NRCAM: variants seen among roughly 807,000 people sequenced by gnomAD.
NRCAM encodes NgCAM-related cell adhesion molecule.
NRCAM carries 83 observed loss-of-function variants against 156.5 expected under a neutral mutation model. The observed-to-expected ratio is 0.53, with a 90% CI of 0.44 to 0.64. NRCAM has a LOEUF of 0.64. Ranked by LOEUF, NRCAM falls within the 30% of genes least tolerant of loss-of-function variation. The pLI is 0.00. For synonymous variants in NRCAM, 538 were observed against 563.9 expected (o/e 0.95, Z 0.65); for missense variants, 1,417 against 1,597.3 (o/e 0.89, Z 1.92).
At chr7:108,175,265 A>C in intron 28 of NRCAM, 57 bp downstream of exon 28, 1 of 1,424,382 alleles carries the variant, frequency 7.0e-7, no homozygotes, top group Non-Finnish European at 9.6e-7. Flanking sequence ...GCACTTCCCC[A>C]TGTTTCACAT....
chr7:108,407,130 T>C (rs1444588998), intron 1 of NRCAM, among the ~76,000 whole-genome samples: 1 of 152,348 alleles, frequency 6.6e-6, no homozygotes, highest in East Asian at 1.9e-4. Flanking sequence ...TTCTTGTGTG[T>C]CTGTATTCAC....
chr7:108,411,657 G>A (rs1795475077), intron 1 of NRCAM, among the ~76,000 whole-genome samples: 1 of 152,140 alleles, frequency 6.6e-6, no homozygotes, highest in African/African-American at 2.4e-5. Context: ...AGCCTCTTGA[G>A]TAGCTGGGAT....
chr7:108,348,992 G>C (rs564017681), intron 2 of NRCAM, among the ~76,000 whole-genome samples: 11 of 151,908 alleles, frequency 7.2e-5, no homozygotes, highest in African/African-American at 2.7e-4. Flanking sequence ...GTATTGGCAA[G>C]ACAGGATTTA....
In NRCAM at chr7:108,226,340, C is replaced by G. The variant is rs891028133; in HGVS notation, c.589G>C (p.Gly197Arg). ...GAAAAATAAAGGTCCCCATTCAAAC[C>G]TTGAGAAACTCTCTCACTTTGTGGA... ...RLPQSERVSQ[G>R]LNGDLYFSNV... Residue 197 changes from glycine (G) to arginine (R), a missense_variant, in exon 9 of 33, where the codon GGT becomes CGT. Gly to Arg is a moderately radical substitution (Grantham distance 125). This residue lies in a region of NRCAM where 1,238 missense variants were observed against 1,336.4 expected (regional missense o/e 0.93). Transcript: ENST00000379028. 6.2e-7 allele frequency: 1 copy of G among 1,612,724 alleles called. No homozygotes were observed. The highest frequency in any genetic ancestry group is 1.3e-5 in the African/African-American group (1 of 74,850).
At chr7:108,455,533 C>G (rs1856078032) in intron 1 of NRCAM, among the ~76,000 whole-genome samples, 1 of 152,170 alleles carries the variant, frequency 6.6e-6, no homozygotes, top group Non-Finnish European at 1.5e-5. Context: ...CTCCCGGGAC[C>G]CGCACCTGTA....
At position 108,237,937 on chromosome 7, in the gene NRCAM, G is replaced by A. The variant is rs982341892; in HGVS notation, c.107-168C>T. ...GGTTGAATTTGTGAAGTTGCAAGAC[G>A]AAGAAATTTGCATTAACGGTTTCCT... On this transcript the variant is annotated intron_variant, in intron 4 of 32. Transcript: ENST00000379028. 4.6e-5 allele frequency among the ~76,000 whole-genome samples: 7 copies of A among 152,324 alleles called. 1 individual carries two copies. The South Asian group carries it at 6.2e-4, about 14-fold the overall frequency.
At chr7:108,433,706 T>C (rs558660809) in intron 1 of NRCAM, among the ~76,000 whole-genome samples, 57 of 152,292 alleles carry the variant, frequency 3.7e-4, no homozygotes, top group African/African-American at 1.3e-3. Context: ...GGGAGCTCCC[T>C]GTTGCCTCCC....
chr7:108,191,858 G>A lies in NRCAM; in HGVS notation c.1779-5C>T. The A allele has an allele frequency of 6.2e-7, 1 of 1,612,682 alleles. No individual in the cohort carries two copies. The highest frequency in any genetic ancestry group is 8.5e-7 in the Non-Finnish European group (1 of 1,179,664). Reference sequence around the variant, plus strand: ...TGATCCTTGTCAACAGTGAACCTGTGGATAGAATGCATTCAGAGCAGCTGA... The same window carrying A: ...TGATCCTTGTCAACAGTGAACCTGTAGATAGAATGCATTCAGAGCAGCTGA... On this transcript the variant is annotated splice_region_variant and splice_polypyrimidine_tract_variant and intron_variant, in intron 17 of 32. Coordinates refer to ENST00000379028, the MANE Select transcript of NRCAM (RefSeq NM_001037132.4).
chr7:108,157,654 T>A (rs2046351470), intron 32 of NRCAM, among the ~76,000 whole-genome samples: 2 of 152,138 alleles, frequency 1.3e-5, no homozygotes, highest in African/African-American at 4.8e-5. Flanking sequence ...CAGTATACCA[T>A]CACCCAAATA....
chr7:108,285,199 C>T (rs2098042311), intron 3 of NRCAM, among the ~76,000 whole-genome samples: 1 of 152,094 alleles, frequency 6.6e-6, no homozygotes, highest in Non-Finnish European at 1.5e-5. Flanking sequence ...CAGATTGTGT[C>T]ATGTCTTCCA....
intron 11 of NRCAM, among the ~76,000 whole-genome samples, chr7:108,223,248 T>A (rs2092779765): frequency 6.6e-6 from 1 of 152,168 alleles, no homozygotes. Flanking sequence ...TGAGCATGCT[T>A]AACTGAAATT....
intron 12 of NRCAM, among the ~76,000 whole-genome samples, chr7:108,208,214 G>C: frequency 6.6e-6 from 1 of 151,988 alleles, no homozygotes; most frequent in East Asian, 1.9e-4. Flanking sequence ...GCTGAGGCAG[G>C]AGAATTGCTT....
chr7:108,271,866 C>T (rs2097365263), intron 3 of NRCAM, among the ~76,000 whole-genome samples: 1 of 152,154 alleles, frequency 6.6e-6, no homozygotes, highest in African/African-American at 2.4e-5. Flanking sequence ...ATGCTGAAAA[C>T]TGTTGGGCTG....
chr7:108,441,227 G>A (rs1406863550), intron 1 of NRCAM, among the ~76,000 whole-genome samples: 4 of 152,092 alleles, frequency 2.6e-5, no homozygotes, highest in Non-Finnish European at 5.9e-5. Context: ...ATATGCAAAA[G>A]TTATCTTACT....
chr7:108,278,235 T>A (rs1342495183), intron 3 of NRCAM, among the ~76,000 whole-genome samples: 5 of 152,230 alleles, frequency 3.3e-5, no homozygotes, highest in Non-Finnish European at 1.5e-5. Context: ...TTATCGGATC[T>A]CAAATGCAGT....
At chr7:108,456,659 T>C (rs1261301478), upstream of NRCAM, 1 of 152,120 alleles carries the variant, frequency 6.6e-6, no homozygotes, top group Non-Finnish European at 1.5e-5. Flanking sequence ...AGGGACTGGG[T>C]GGCCCCTCAC....
chr7:108,204,774 A>G (rs1203244015), intron 13 of NRCAM, among the ~76,000 whole-genome samples: 1 of 152,088 alleles, frequency 6.6e-6, no homozygotes, highest in Non-Finnish European at 1.5e-5. Flanking sequence ...GGGGGCCTTA[A>G]AGAAGACTTT....
In NRCAM at chr7:108,335,434, C is replaced by CTTTTTTTTTTTTTTTTTTTTTTTTT. The variant is rs58975301; in HGVS notation, c.-173-22728_-173-22704dup. Among the ~76,000 whole-genome samples, 11 of 69,878 alleles carry CTTTTTTTTTTTTTTTTTTTTTTTTT rather than the reference C, an allele frequency of 1.6e-4. 2 individuals are homozygous for CTTTTTTTTTTTTTTTTTTTTTTTTT. Among genetic ancestry groups the CTTTTTTTTTTTTTTTTTTTTTTTTT allele is most frequent in the South Asian group, 8.2e-4 (1 of 1,220 alleles). 45.8% of individuals were successfully genotyped at this position (69,878 alleles called of 152,430 possible). A position where few individuals can be genotyped will look rare whatever the true frequency, so the allele number is the denominator to read the frequency against. ...ATGTCCTGTGGATCTGTTCCACCTG[C>CTTTTTTTTTTTTTTTTTTTTTTTTT]TTTTTTTTTTTTTTTTTTTTTTTTT... On this transcript the variant is annotated intron_variant, in intron 2 of 32. Coordinates refer to ENST00000379028, the MANE Select transcript of NRCAM (RefSeq NM_001037132.4).
chr7:108,323,928 CG>C (rs1248947058), intron 2 of NRCAM, among the ~76,000 whole-genome samples: 1 of 152,032 alleles, frequency 6.6e-6, no homozygotes, highest in African/African-American at 2.4e-5. Flanking sequence ...GTGAAAGTTC[CG>C]GGCAAATCCA....
Sources: gnomAD v4.1 joint callset for allele counts (sites outside exome capture counted in the v4.1 genomes callset) on GRCh38, gnomAD v4.1.1 for gene constraint, gnomAD v4.1.1 regional missense constraint, MANE v1.5 for transcripts, NCBI Gene and HGNC (gene_info 2026-07-23, HGNC 2026-07-21) for gene names.